Variants in PRDM16 observed in about 807,000 individuals in gnomAD.
PRDM16 encodes the protein histone-lysine N-methyltransferase PRDM16.
In PRDM16, 23 loss-of-function variants were observed where a neutral mutation model predicts 110.6. The observed-to-expected ratio is 0.21, with a 90% CI of 0.15 to 0.29. The LOEUF (loss-of-function observed/expected upper bound fraction) is 0.29. PRDM16 is among the 10% of genes least tolerant of loss of function. The pLI is 1.00. For missense variants in PRDM16, 1,615 were observed against 1,794.3 expected, an observed-to-expected ratio of 0.90 and a Z score of 1.81; for synonymous variants, 799 against 781.8, an observed-to-expected ratio of 1.02 and a Z score of -0.37.
intron 3 of PRDM16, among the ~76,000 whole-genome samples, chr1:3,324,034 C>T (rs1005342894): frequency 3.3e-5 from 5 of 152,184 alleles, no homozygotes; most frequent in Non-Finnish European, 7.3e-5. Context: ...CACCCTCCCT[C>T]CGTCTGGGTT....
chr1:3,368,759 A>G (rs895327846), intron 3 of PRDM16, among the ~76,000 whole-genome samples: 4 of 152,210 alleles, frequency 2.6e-5, no homozygotes, highest in Admixed American at 2.6e-4. Context: ...ATCTGCCAGA[A>G]TAAGTCATCT....
chr1:3,092,670 G>T (rs1335469241), intron 1 of PRDM16, among the ~76,000 whole-genome samples: 2 of 152,142 alleles, frequency 1.3e-5, no homozygotes, highest in Admixed American at 1.3e-4. Flanking sequence ...GTGCTGGATG[G>T]CGCCTGGGTG....
At position 3,340,624 on chromosome 1, in the gene PRDM16, C is replaced by T. The variant is rs143096657; in HGVS notation, c.439-44528C>T. On this transcript the variant is annotated intron_variant, in intron 3 of 16. Transcript: ENST00000270722. The stretch of plus-strand genomic sequence containing the variant: ...TGTCTGTGTCTTCAGGAAATAGAGC[C>T]GGGACACTCAATAAGCCAATTGTTA... Among the ~76,000 whole-genome samples, 403 of 152,296 alleles carry T rather than the reference C, an allele frequency of 2.6e-3. 9 individuals are homozygous for T. The highest frequency in any genetic ancestry group is 9.2e-3 in the African/African-American group (384 of 41,554).
rs910687554 is a variant in PRDM16 at position 3,190,403 on chromosome 1, C to T, written c.387+3929C>T. ...TGGTCGGAAGCCTGCATTCCTTCTA[C>T]GCTGAGGCTGACGCTTTTGGGAGGG... On this transcript the variant is annotated intron_variant, in intron 2 of 16. Transcript: ENST00000270722. This position sits in a 1 kb window ranked among gnomAD's most constrained non-coding sequence, Gnocchi z 5.0. 2.6e-5 allele frequency among the ~76,000 whole-genome samples: 4 copies of T among 152,194 alleles called. No homozygotes were observed. The highest frequency in any genetic ancestry group is 2.1e-4 in the South Asian group (1 of 4,836).
rs549826621 is a variant in PRDM16, at chr1:3,435,187, A to AT, written c.*1383dup. ...CCATAGGGGCCAATTTCAAATAATAATTTTTTTCCCTGATGGAATTTACCT... is the reference window on the plus strand; with the variant it reads ...CCATAGGGGCCAATTTCAAATAATAATTTTTTTTCCCTGATGGAATTTACCT... On this transcript the variant is annotated 3_prime_UTR_variant, in exon 17 of 17. Coordinates refer to ENST00000270722, the MANE Select transcript of PRDM16 (RefSeq NM_022114.4). The AT allele has an allele frequency of 8.5e-4, 191 of 223,670 alleles. No homozygotes were observed. Among genetic ancestry groups the AT allele is most frequent in the African/African-American group, 4.0e-3 (181 of 44,826 alleles). 13.9% of individuals were successfully genotyped at this position (223,670 alleles called of 1,614,324 possible). A position where few individuals can be genotyped will look rare whatever the true frequency, so the allele number is the denominator to read the frequency against.
chr1:3,283,581 G>T (rs2100333476), intron 3 of PRDM16, among the ~76,000 whole-genome samples: 1 of 152,268 alleles, frequency 6.6e-6, no homozygotes, highest in Admixed American at 6.5e-5. Context: ...ACGGGGACCA[G>T]ACCTCAAGGT....
At chr1:3,366,004 G>A (rs546611321) in intron 3 of PRDM16, among the ~76,000 whole-genome samples, 5 of 148,348 alleles carry the variant, frequency 3.4e-5, no homozygotes, top group Admixed American at 6.6e-5. Context: ...ACACATACGC[G>A]CACGCACACA....
intron 2 of PRDM16, among the ~76,000 whole-genome samples, chr1:3,229,735 TA>T (rs998985423): frequency 1.3e-5 from 2 of 151,856 alleles, no homozygotes; most frequent in East Asian, 1.9e-4. Flanking sequence ...ATCTTAGGGC[TA>T]AAAAAAAGAA....
chr1:3,232,679 T>C (rs907570978), intron 2 of PRDM16, among the ~76,000 whole-genome samples: 1 of 152,128 alleles, frequency 6.6e-6, no homozygotes, highest in African/African-American at 2.4e-5. Flanking sequence ...CTGCTTCTGC[T>C]TCCTCCATCC....
At chr1:3,122,785 GTATTT>G (rs557281567) in intron 1 of PRDM16, among the ~76,000 whole-genome samples, 1 of 152,280 alleles carries the variant, frequency 6.6e-6, no homozygotes, top group South Asian at 2.1e-4. Flanking sequence ...AGATGCTGTT[GTATTT>G]TATTTTATTT....
At chr1:3,101,526 C>A (rs1395515556) in intron 1 of PRDM16, among the ~76,000 whole-genome samples, 2 of 152,200 alleles carry the variant, frequency 1.3e-5, no homozygotes, top group African/African-American at 2.4e-5. Context: ...GAAGGGGACA[C>A]GGGGCCTGGA....
chr1:3,121,485 G>A (rs1351619762), intron 1 of PRDM16, among the ~76,000 whole-genome samples: 1 of 152,252 alleles, frequency 6.6e-6, no homozygotes, highest in East Asian at 1.9e-4. Flanking sequence ...TAGCCCAGAG[G>A]CCCCCAGCTG....
chr1:3,120,072 T>C (rs1411008002), intron 1 of PRDM16, among the ~76,000 whole-genome samples: 1 of 138,290 alleles, frequency 7.2e-6, no homozygotes, highest in African/African-American at 3.0e-5. Context: ...GTGGAAGTGG[T>C]CAGTCTGCCC....
At chr1:3,315,792 T>G (rs1165023734) in intron 3 of PRDM16, among the ~76,000 whole-genome samples, 2 of 152,194 alleles carry the variant, frequency 1.3e-5, no homozygotes, top group Non-Finnish European at 2.9e-5. Context: ...TTTACTTTGC[T>G]GGCCACCAAT....
intron 3 of PRDM16, among the ~76,000 whole-genome samples, chr1:3,269,989 G>A (rs530800674): frequency 5.3e-5 from 8 of 149,994 alleles, no homozygotes; most frequent in Admixed American, 3.3e-4. Context: ...GAGGAGGACA[G>A]TCAGGGGAGC....
intron 5 of PRDM16, among the ~76,000 whole-genome samples, chr1:3,398,048 C>T (rs1210197174): frequency 6.6e-6 from 1 of 152,122 alleles, no homozygotes; most frequent in Non-Finnish European, 1.5e-5. Flanking sequence ...AAATCAATTG[C>T]CGAGATCTGG....
At chr1:3,092,435 C>G (rs1166055394) in intron 1 of PRDM16, among the ~76,000 whole-genome samples, 1 of 152,262 alleles carries the variant, frequency 6.6e-6, no homozygotes, top group Non-Finnish European at 1.5e-5. Flanking sequence ...GCCACCAGCA[C>G]TTGGGTCCAT....
intron 3 of PRDM16, among the ~76,000 whole-genome samples, chr1:3,253,031 G>A (rs1325826035): frequency 1.3e-5 from 2 of 151,702 alleles, no homozygotes; most frequent in African/African-American, 2.4e-5. Flanking sequence ...GAGCCTGCGC[G>A]CTGCTGCTGC....
chr1:3,283,605 A>C (rs1640773496), intron 3 of PRDM16, among the ~76,000 whole-genome samples: 1 of 151,982 alleles, frequency 6.6e-6, no homozygotes, highest in Admixed American at 6.6e-5. Flanking sequence ...AGGAAGAGAG[A>C]GGGGACGGTC....
Sources: gnomAD v4.1 joint callset for allele counts (sites outside exome capture counted in the v4.1 genomes callset) on GRCh38, gnomAD v4.1.1 for gene constraint, Gnocchi (gnomAD v3.1) non-coding constraint, MANE v1.5 for transcripts, NCBI Gene and HGNC (gene_info 2026-07-23, HGNC 2026-07-21) for gene names.